SORBS2: variants seen among roughly 807,000 people sequenced by gnomAD.
The protein encoded by SORBS2 is sorbin and SH3 domain-containing protein 2.
In SORBS2, 46 loss-of-function variants were observed where a neutral mutation model predicts 97.7. The ratio of observed to expected loss-of-function variants is 0.47; its 90% CI spans 0.37 to 0.60. The LOEUF (loss-of-function observed/expected upper bound fraction) is 0.60. Ranked by LOEUF, SORBS2 falls within the 20% of genes least tolerant of loss-of-function variation. SORBS2 has a pLI of 0.00. For synonymous variants in SORBS2, 476 were observed against 473.4 expected (o/e 1.01, Z -0.07); for missense variants, 1,316 against 1,282.3 (o/e 1.03, Z -0.40).
At chr4:185,934,609 A>AC (rs2099268043) in intron 1 of SORBS2, among the ~76,000 whole-genome samples, 13 of 151,920 alleles carry the variant, frequency 8.6e-5, no homozygotes, top group African/African-American at 3.1e-4. Flanking sequence ...AAAAATACAA[A>AC]AAACAACAAC....
chr4:185,703,135 T>C (rs1303510344), intron 2 of SORBS2, among the ~76,000 whole-genome samples: 5 of 152,222 alleles, frequency 3.3e-5, no homozygotes, highest in Admixed American at 3.3e-4. Context: ...GAATTGTTTA[T>C]ATATTACATG....
intron 2 of SORBS2, among the ~76,000 whole-genome samples, chr4:185,725,588 A>C (rs2098549643): frequency 6.6e-6 from 1 of 152,224 alleles, no homozygotes; most frequent in Admixed American, 6.5e-5. Flanking sequence ...GTGCTTGGAC[A>C]TAGGGATTGA....
chr4:185,695,091 T>C (rs1197380478), intron 2 of SORBS2, among the ~76,000 whole-genome samples: 1 of 152,100 alleles, frequency 6.6e-6, no homozygotes, highest in Non-Finnish European at 1.5e-5. Flanking sequence ...TATAAGAGAA[T>C]AGAATGGGTA....
chr4:185,590,849 A>G (rs1399325647), intron 13 of SORBS2, among the ~76,000 whole-genome samples: 2 of 152,190 alleles, frequency 1.3e-5, no homozygotes, highest in South Asian at 2.1e-4. Context: ...GTACTAAAAT[A>G]TTACCAGTAC....
intron 1 of SORBS2, among the ~76,000 whole-genome samples, chr4:185,913,796 A>G (rs2099256630): frequency 6.6e-6 from 1 of 152,224 alleles, no homozygotes; most frequent in Non-Finnish European, 1.5e-5. Flanking sequence ...GCAATGGTTT[A>G]GTCTGAATGT....
At chr4:185,789,704 A>G (rs1029378949) in intron 1 of SORBS2, among the ~76,000 whole-genome samples, 2 of 152,078 alleles carry the variant, frequency 1.3e-5, no homozygotes, top group Non-Finnish European at 2.9e-5. Flanking sequence ...TTTACAACAG[A>G]ATCATTCAAG....
chr4:185,741,091 T>C (rs1051074794), intron 2 of SORBS2, among the ~76,000 whole-genome samples: 5 of 152,104 alleles, frequency 3.3e-5, no homozygotes, highest in African/African-American at 1.2e-4. Context: ...TCCAAAAATA[T>C]GTCGAGAAAG....
At chr4:185,769,377 A>C (rs537964800) in intron 2 of SORBS2, among the ~76,000 whole-genome samples, 2 of 152,312 alleles carry the variant, frequency 1.3e-5, no homozygotes, top group East Asian at 3.9e-4. Flanking sequence ...AGCCACCCAC[A>C]TGGAAAATCT....
At chr4:185,867,007 TTTA>T (rs1246583247) in intron 1 of SORBS2, among the ~76,000 whole-genome samples, 1 of 152,046 alleles carries the variant, frequency 6.6e-6, no homozygotes, top group Admixed American at 6.5e-5. Flanking sequence ...TTTATTTTAT[TTTA>T]TTATTTATTT....
chr4:185,859,666 C>T (rs1425470328), intron 1 of SORBS2, among the ~76,000 whole-genome samples: 2 of 152,098 alleles, frequency 1.3e-5, no homozygotes, highest in Non-Finnish European at 2.9e-5. Flanking sequence ...GTACCCATCT[C>T]CTTTAGTAGT....
intron 1 of SORBS2, among the ~76,000 whole-genome samples, chr4:185,874,287 T>C (rs555241765): frequency 1.4e-4 from 22 of 152,282 alleles, no homozygotes; most frequent in African/African-American, 5.1e-4. Context: ...GTGATCCCAA[T>C]ATTTCTGTGA....
At chr4:185,901,480 A>T (rs932968908) in intron 1 of SORBS2, among the ~76,000 whole-genome samples, 1 of 152,180 alleles carries the variant, frequency 6.6e-6, no homozygotes, top group African/African-American at 2.4e-5. Context: ...CTGAGATTAC[A>T]GGTGTGAGCT....
At chr4:185,817,732 C>T (rs2099194157) in intron 1 of SORBS2, among the ~76,000 whole-genome samples, 1 of 152,222 alleles carries the variant, frequency 6.6e-6, no homozygotes. Context: ...TCACCTGAGC[C>T]ACTGAAACAA....
At chr4:185,797,819 C>T (rs1343992914) in intron 1 of SORBS2, among the ~76,000 whole-genome samples, 1 of 152,176 alleles carries the variant, frequency 6.6e-6, no homozygotes, top group African/African-American at 2.4e-5. Context: ...ATTCCAGACG[C>T]ACCATCCAGC....
At chr4:185,649,238 G>A (rs1375492972) in intron 3 of SORBS2, among the ~76,000 whole-genome samples, 1 of 152,116 alleles carries the variant, frequency 6.6e-6, no homozygotes, top group East Asian at 1.9e-4. Context: ...CAGAAAATGT[G>A]TCCATATTAC....
intron 4 of SORBS2, among the ~76,000 whole-genome samples, chr4:185,634,734 C>T (rs1238722755): frequency 1.3e-5 from 2 of 152,128 alleles, no homozygotes; most frequent in African/African-American, 4.8e-5. Flanking sequence ...ATTGCAAACG[C>T]ATTTCATTTT....
intron 2 of SORBS2, among the ~76,000 whole-genome samples, chr4:185,760,379 TG>T (rs1445014799): frequency 1.3e-5 from 2 of 152,168 alleles, no homozygotes; most frequent in Non-Finnish European, 2.9e-5. Context: ...CTGGTCAACA[TG>T]GTGAAACCCC....
intron 2 of SORBS2, among the ~76,000 whole-genome samples, chr4:185,761,043 T>G (rs556127540): frequency 1.3e-5 from 2 of 152,260 alleles, no homozygotes; most frequent in Non-Finnish European, 2.9e-5. Context: ...GAAGGAAATA[T>G]ATCTTTTATG....
At chr4:185,626,914 G>A (rs374179117) in exon 6 of SORBS2, 3 of 1,614,178 alleles carry the variant, frequency 1.9e-6, no homozygotes, top group Non-Finnish European at 1.7e-6. Flanking sequence ...GGTCCACTCG[G>A]CCTGGGCTAG....
Sources: gnomAD v4.1 joint callset for allele counts (sites outside exome capture counted in the v4.1 genomes callset) on GRCh38, gnomAD v4.1.1 for gene constraint, MANE v1.5 for transcripts, NCBI Gene and HGNC (gene_info 2026-07-23, HGNC 2026-07-21) for gene names.